The following KCTD19 variants were observed in gnomAD, a reference collection of about 807,000 sequenced individuals.
The protein encoded by KCTD19 is BTB/POZ domain-containing protein KCTD19.
In KCTD19, 67 loss-of-function variants were observed where a neutral mutation model predicts 103.5. The ratio of observed to expected loss-of-function variants is 0.65; its 90% confidence interval spans 0.53 to 0.79. KCTD19 has a LOEUF of 0.79. Ranked by LOEUF, KCTD19 falls within the 30% of genes least tolerant of loss-of-function variation. KCTD19 has a pLI of 0.00. For missense variants in KCTD19, 980 were observed against 1,136.1 expected, an observed-to-expected ratio of 0.86 and a Z score of 1.98; for synonymous variants, 439 against 452.2, an observed-to-expected ratio of 0.97 and a Z score of 0.37.
At position 67,303,782 on chromosome 16, in the gene KCTD19, C is replaced by G. The variant is rs939895693; in HGVS notation, c.452-445G>C. 6.6e-6 allele frequency among the ~76,000 whole-genome samples: 1 copy of G among 151,986 alleles called. No individual in the cohort carries two copies. Among genetic ancestry groups the G allele is most frequent in the African/African-American group, 2.4e-5 (1 of 41,378 alleles). On this transcript the variant is annotated intron_variant, in intron 3 of 15. Transcript: ENST00000304372. This position sits in a 1 kb window ranked among gnomAD's most constrained non-coding sequence, Gnocchi z 4.3. ...GGCTGGTCTCGAACTCCTGACCTCA[C>G]GTGATCCATCTGCCTCAGCCTCCCA... is the stretch of plus-strand genomic sequence containing the variant.
At chr16:67,294,889 CTAGGAGTAGGACT>C in intron 10 of KCTD19, 71 bp downstream of exon 10, 2 of 1,184,888 alleles carry the variant, frequency 1.7e-6, no homozygotes, top group Admixed American at 3.5e-5. Flanking sequence ...TCAGGATCCT[CTAGGAGTAGGACT>C]TAGGACAGGA....
At chr16:67,310,003 C>T (rs2036933417) in intron 2 of KCTD19, among the ~76,000 whole-genome samples, 1 of 152,222 alleles carries the variant, frequency 6.6e-6, no homozygotes, top group Non-Finnish European at 1.5e-5. Context: ...CCTTGCCAGT[C>T]AGGTCATGCT....
intron 3 of KCTD19, among the ~76,000 whole-genome samples, chr16:67,304,093 G>T (rs2036865461): frequency 3.3e-5 from 5 of 152,204 alleles, no homozygotes; most frequent in Admixed American, 3.3e-4. Flanking sequence ...ATCAGACAGT[G>T]ATTATTTAGG....
chr16:67,290,901 A>G lies in KCTD19; in HGVS notation c.2651T>C (p.Leu884Pro). 6.2e-7 allele frequency: 1 copy of G among 1,613,458 alleles called. No homozygotes were observed. Among genetic ancestry groups the G allele is most frequent in the Non-Finnish European group, 8.5e-7 (1 of 1,179,800 alleles). The change falls in exon 15 of 16, where the codon CTG (leucine) becomes CCG (proline). Residue 884 changes from leucine to proline, a missense_variant. Leu to Pro is a moderately conservative substitution (Grantham distance 98). Transcript: ENST00000304372. ...FKDDRHTQER[L>P]YSWVELTLPF... ...GGCCCTCACCTCCACCCAGCTGTAC[A>G]GGCGCTCCTGGGTGTGCCGGTCATC... is the stretch of plus-strand genomic sequence containing the variant.
intron 2 of KCTD19, among the ~76,000 whole-genome samples, chr16:67,315,076 G>T (rs1324805411): frequency 6.6e-6 from 1 of 151,838 alleles, no homozygotes; most frequent in East Asian, 1.9e-4. Flanking sequence ...GCCTAGGCTG[G>T]TCTCGAACTT....
rs777559909 is a variant in KCTD19 at position 67,301,971 on chromosome 16, T to C, written c.644-49A>G. On this transcript the variant is annotated intron_variant, in intron 4 of 15. Coordinates refer to ENST00000304372, the MANE Select transcript of KCTD19 (RefSeq NM_001100915.3). ...GTGAGTTAATGAGGCTATTTCTGGT[T>C]TAGCTGTAGGTCCTGGTTTTGGCAG... 4.4e-6 allele frequency: 7 copies of C among 1,602,142 alleles called. No homozygotes were observed. In the Admixed American group the frequency reaches 1.2e-4, roughly 27 times the overall value.
At chr16:67,307,912 C>A (rs2036910612) in intron 2 of KCTD19, among the ~76,000 whole-genome samples, 3 of 152,064 alleles carry the variant, frequency 2.0e-5, no homozygotes, top group Admixed American at 2.0e-4. Flanking sequence ...TAATTTTGTA[C>A]CCATTATCCA....
At position 67,295,307 on chromosome 16, in the gene KCTD19, G is replaced by T; in HGVS notation, c.1347C>A (p.Leu449=). The change falls in exon 9 of 16, where the codon CTC becomes CTA. Residue 449 remains leucine, a synonymous_variant. Coordinates refer to ENST00000304372, the MANE Select transcript of KCTD19 (RefSeq NM_001100915.3). ...ACAGTTTGCCAAGTCTCAGGAAGTT[G>T]AGAATGTGTCGGAACATCTGGCCAT... is the stretch of plus-strand genomic sequence containing the variant. The part of the protein sequence containing the change: ...HGDGQMFRHI[L]NFLRLGKLFL... 1 of 1,614,190 alleles carries T rather than the reference G, an allele frequency of 6.2e-7. No individual in the cohort carries two copies. The highest frequency in any genetic ancestry group is 8.5e-7 in the Non-Finnish European group (1 of 1,180,028).
intron 2 of KCTD19, among the ~76,000 whole-genome samples, chr16:67,319,492 G>A (rs2037049096): frequency 6.6e-6 from 1 of 152,016 alleles, no homozygotes; most frequent in African/African-American, 2.4e-5. Flanking sequence ...GGATTAATAC[G>A]GAGGATGTTC....
intron 10 of KCTD19, 124 bp from the exon 11 acceptor site, chr16:67,294,818 G>T: frequency 1.1e-6 from 1 of 940,390 alleles, no homozygotes; most frequent in East Asian, 2.4e-5. Context: ...GGCTCTTAAA[G>T]GGTTTTGCCT....
chr16:67,312,852 C>G (rs1343265086), intron 2 of KCTD19, among the ~76,000 whole-genome samples: 2 of 152,186 alleles, frequency 1.3e-5, no homozygotes, highest in East Asian at 1.9e-4. Context: ...TATCTTTCAT[C>G]TGGATACTGC....
Position 67,296,273 on chromosome 16 carries a change from G to C in KCTD19, c.1148-14C>G. On this transcript the variant is annotated splice_polypyrimidine_tract_variant and intron_variant, in intron 7 of 15. Coordinates refer to ENST00000304372, the MANE Select transcript of KCTD19 (RefSeq NM_001100915.3). ...CCGTCCACTCATCTATGGGAATCCAGGAGATAGAACACATCATCATATGGC... is the reference window on the plus strand; with the variant it reads ...CCGTCCACTCATCTATGGGAATCCACGAGATAGAACACATCATCATATGGC... 1 of 1,545,214 alleles carries C rather than the reference G, an allele frequency of 6.5e-7. No individual in the cohort carries two copies. Among genetic ancestry groups the C allele is most frequent in the Non-Finnish European group, 9.0e-7 (1 of 1,117,082 alleles).
chr16:67,291,624 C>T (rs1168589082), intron 13 of KCTD19, 22 bp downstream of exon 13: 5 of 1,607,344 alleles, frequency 3.1e-6, no homozygotes, highest in East Asian at 2.2e-5. Flanking sequence ...GCGCAGGGCT[C>T]GGCCTGGCTC....
Position 67,294,190 on chromosome 16 carries a change from A to C in KCTD19, c.1591-19T>G, listed in dbSNP as rs753638911. On this transcript the variant is annotated intron_variant, in intron 11 of 15. Transcript: ENST00000304372. Reference sequence around the variant, plus strand: ...CTGTGGTCTGGGGAGGGAAGGGCACAGTAACTCTGGATAGGTTGGGCATGG... The same window carrying C: ...CTGTGGTCTGGGGAGGGAAGGGCACCGTAACTCTGGATAGGTTGGGCATGG... The C allele has an allele frequency of 6.3e-7, 1 of 1,590,918 alleles. No homozygotes were observed. Among genetic ancestry groups the C allele is most frequent in the Non-Finnish European group, 8.6e-7 (1 of 1,163,260 alleles).
At chr16:67,296,828 G>C (rs1441666129) in intron 7 of KCTD19, among the ~76,000 whole-genome samples, 1 of 152,128 alleles carries the variant, frequency 6.6e-6, no homozygotes, top group Non-Finnish European at 1.5e-5. Context: ...TGTAATGAAT[G>C]AAGGGTATAT....
intron 8 of KCTD19, 162 bp from the exon 9 acceptor site, chr16:67,295,567 G>T: frequency 1.5e-6 from 1 of 645,316 alleles, no homozygotes; most frequent in Non-Finnish European, 2.5e-6. Context: ...GGGGAGCAGA[G>T]CTTCCAGGGA....
rs762655223 is a variant in KCTD19 at position 67,299,555 on chromosome 16, G to A, written c.794C>T (p.Thr265Ile). The A allele has an allele frequency of 6.2e-7, 1 of 1,612,890 alleles. No individual in the cohort carries two copies. The highest frequency in any genetic ancestry group is 8.5e-7 in the Non-Finnish European group (1 of 1,179,852). Residue 265 changes from threonine (T) to isoleucine (I), a missense_variant, in exon 6 of 16, where the codon ACC becomes ATC. Coordinates refer to ENST00000304372, the MANE Select transcript of KCTD19 (RefSeq NM_001100915.3). ...RMNMGGCSPTTCSPLSPGKGA... is the reference protein window; with the variant it reads ...RMNMGGCSPTICSPLSPGKGA... ...CTTCCCGGGGCTCAGGGGAGAACAG[G>A]TGGTCGGGGAACAGCCACCTGTGTC...
Position 67,320,127 on chromosome 16 carries a change from T to C in KCTD19, c.300+462A>G, listed in dbSNP as rs1389282383. Among the ~76,000 whole-genome samples the C allele has an allele frequency of 2.0e-5, 3 of 152,200 alleles. No homozygotes were observed. Among genetic ancestry groups the C allele is most frequent in the Non-Finnish European group, 2.9e-5 (2 of 68,024 alleles). On this transcript the variant is annotated intron_variant, in intron 2 of 15. Transcript: ENST00000304372. The surrounding 1 kb of genome is among the most constrained non-coding windows in gnomAD (Gnocchi z 4.0). ...CATATAGGCGGGGTGTAGTGGCTCA[T>C]GCCGGTAATCCCAGCTCTTAGGGAG...
rs188522977 is a variant in KCTD19 at position 67,296,042 on chromosome 16, G to A, written c.1248+117C>T. The A allele has an allele frequency of 1.5e-4, 109 of 706,540 alleles. No homozygotes were observed. The Middle Eastern group carries it at 2.8e-3, about 18-fold the overall frequency. 43.8% of individuals were successfully genotyped at this position (706,540 alleles called of 1,614,324 possible). A position where few individuals can be genotyped will look rare whatever the true frequency, so the allele number is the denominator to read the frequency against. On this transcript the variant is annotated intron_variant, in intron 8 of 15. Coordinates refer to ENST00000304372, the MANE Select transcript of KCTD19 (RefSeq NM_001100915.3). ...ACAGGCATGAGCCACCGTGCCTGGC[G>A]GGAAAGCCTTTGTTCTAAGCAAGTG...
Sources: gnomAD v4.1 joint callset for allele counts (sites outside exome capture counted in the v4.1 genomes callset) on GRCh38, gnomAD v4.1.1 for gene constraint, Gnocchi (gnomAD v3.1) non-coding constraint, MANE v1.5 for transcripts, NCBI Gene and HGNC (gene_info 2026-07-23, HGNC 2026-07-21) for gene names.